Variants in MOV10 observed in about 807,000 individuals in gnomAD.
MOV10 encodes the protein RNA helicase MOV-10.
In MOV10, 39 loss-of-function variants were observed where a neutral mutation model predicts 108.4. That is an observed-to-expected ratio of 0.36 (90% CI 0.28 to 0.47). MOV10 has a LOEUF of 0.47. Ranked by LOEUF, MOV10 falls within the 20% of genes least tolerant of loss-of-function variation. The probability of loss-of-function intolerance (pLI) is 1.00; values close to 1 mark genes in which losing one functional copy is unlikely to be tolerated. For missense variants in MOV10, 952 were observed against 1,297.6 expected, an observed-to-expected ratio of 0.73 and a Z score of 4.09; for synonymous variants, 490 against 523.1, an observed-to-expected ratio of 0.94 and a Z score of 0.86.
At position 112,689,498 on chromosome 1, in the gene MOV10, G is replaced by T. The variant is rs116655742; in HGVS notation, c.425G>T (p.Arg142Leu). The T allele has an allele frequency of 1.2e-6, 2 of 1,609,560 alleles. No individual in the cohort carries two copies. Among genetic ancestry groups the T allele is most frequent in the Non-Finnish European group, 1.7e-6 (2 of 1,177,260 alleles). ...HEARDGQLLIRLDLNRKEVLT... is the reference protein window; with the variant it reads ...HEARDGQLLILLDLNRKEVLT... ...GCCCGAGATGGGCAGCTCCTTATCC[G>T]CCTGGATTTGAACCGCAAAGAGGTG... Residue 142 changes from arginine to leucine, a missense_variant, in exon 4 of 21, where the codon CGC (arginine) becomes CTC (leucine). Transcript: ENST00000369645.
At chr1:112,680,707 C>T (rs1222574762) in intron 2 of MOV10, among the ~76,000 whole-genome samples, 1 of 107,136 alleles carries the variant, frequency 9.3e-6, no homozygotes, top group South Asian at 3.4e-4. Context: ...TCATTTATCT[C>T]TTTTTTTTTT....
rs778417018 is a variant in MOV10, at chr1:112,685,183, CT to C, written c.138-3733del. 5.6e-3 allele frequency: 603 copies of C among 107,700 alleles called. 3 individuals are homozygous for C. The highest frequency in any genetic ancestry group is 0.015 in the African/African-American group (476 of 30,912). The allele number at this position is 107,700 out of a possible 1,614,324, so 6.7% of individuals were successfully genotyped here. A position where few individuals can be genotyped will look rare whatever the true frequency, so the allele number is the denominator to read the frequency against. On this transcript the variant is annotated intron_variant, in intron 2 of 20. Coordinates refer to ENST00000369645, the MANE Select transcript of MOV10 (RefSeq NM_001321324.2). The stretch of plus-strand genomic sequence containing the variant: ...TACAGGTGTGCACCACCATGCCTGG[CT>C]TTTTTTTTTTTTTTTTTTCACTATT...
chr1:112,680,042 C>T (rs1672498830), intron 2 of MOV10, among the ~76,000 whole-genome samples: 1 of 152,076 alleles, frequency 6.6e-6, no homozygotes, highest in Non-Finnish European at 1.5e-5. Context: ...CCAGAAATTT[C>T]AGGCAGCTTG....
In MOV10 at chr1:112,699,697, G is replaced by A; in HGVS notation, c.2596G>A (p.Glu866Lys). 1.9e-6 allele frequency: 3 copies of A among 1,614,180 alleles called. No homozygotes were observed. The highest frequency in any genetic ancestry group is 2.5e-6 in the Non-Finnish European group (3 of 1,180,032). The change falls in exon 18 of 21, where the codon GAA (glutamate) becomes AAA (lysine). Residue 866 changes from glutamate to lysine, a missense_variant. Coordinates refer to ENST00000369645, the MANE Select transcript of MOV10 (RefSeq NM_001321324.2). ...CTTTCCCCACTAGGTGGGTTCAGTAGAAGAATTCCAAGGCCAAGAACGAAG... is the reference window on the plus strand; with the variant it reads ...CTTTCCCCACTAGGTGGGTTCAGTAAAAGAATTCCAAGGCCAAGAACGAAG... ...DIKDLKVGSV[E>K]EFQGQERSVI...
intron 14 of MOV10, among the ~76,000 whole-genome samples, chr1:112,697,076 G>A (rs939490117): frequency 2.0e-5 from 3 of 152,202 alleles, no homozygotes; most frequent in South Asian, 2.1e-4. Flanking sequence ...TGCATCTTAG[G>A]GGGTGGTCAG....
At chr1:112,691,918 G>C (rs1310490810) in intron 6 of MOV10, 119 bp downstream of exon 6, 3 of 1,106,388 alleles carry the variant, frequency 2.7e-6, no homozygotes, top group African/African-American at 3.1e-5. Flanking sequence ...CCCTTACTGA[G>C]CACGCACCAT....
In MOV10 at chr1:112,695,423, A is replaced by G; in HGVS notation, c.1628A>G (p.Lys543Arg). The change falls in exon 11 of 21, where the codon AAG (lysine) becomes AGG (arginine). Residue 543 changes from lysine to arginine, a missense_variant. Physicochemically the swap from Lys to Arg is conservative, Grantham distance 26. Around this residue, in one of 5 missense-constraint regions of MOV10, gnomAD observed 453 missense variants for 611.5 expected, o/e 0.74. Coordinates refer to ENST00000369645, the MANE Select transcript of MOV10 (RefSeq NM_001321324.2). ...TLVEAIKQVV[K>R]HLPKAHILAC... The stretch of plus-strand genomic sequence containing the variant: ...CGCTTATCTGCATCTCAGGTGGTGA[A>G]GCACTTGCCCAAAGCCCACATCTTG... The G allele has an allele frequency of 6.2e-7, 1 of 1,613,984 alleles. No individual in the cohort carries two copies. Among genetic ancestry groups the G allele is most frequent in the Non-Finnish European group, 8.5e-7 (1 of 1,179,936 alleles).
Position 112,698,415 on chromosome 1 carries a change from C to G in MOV10, c.2445C>G (p.Ser815=). The change falls in exon 16 of 21, where the codon TCC becomes TCG. Residue 815 remains serine (S), a synonymous_variant. Transcript: ENST00000369645. ...TGAAGCTGCTCCTGGCCCCCTCCTC[C>G]AAGAAGGGCAAAGCTCGCCTGAGCC... is the stretch of plus-strand genomic sequence containing the variant. ...SYLKLLLAPS[S]KKGKARLSPR... 1 of 1,614,208 alleles carries G rather than the reference C, an allele frequency of 6.2e-7. No individual in the cohort carries two copies. Among genetic ancestry groups the G allele is most frequent in the Non-Finnish European group, 8.5e-7 (1 of 1,180,034 alleles).
At chr1:112,693,868 A>C in intron 7 of MOV10, 150 bp from the exon 8 acceptor site, 1 of 614,894 alleles carries the variant, frequency 1.6e-6, no homozygotes, top group Non-Finnish European at 2.8e-6. Flanking sequence ...TATGAAAGGA[A>C]AGAGGGGTGC....
chr1:112,680,029 T>C (rs1014287354), intron 2 of MOV10, among the ~76,000 whole-genome samples: 1 of 151,890 alleles, frequency 6.6e-6, no homozygotes, highest in African/African-American at 2.4e-5. Context: ...ACATTAGGAG[T>C]AGCCAGAAAT....
Position 112,675,104 on chromosome 1 carries a change from C to G in MOV10, c.137+55C>G. 6.4e-7 allele frequency: 1 copy of G among 1,561,794 alleles called. No individual in the cohort carries two copies. Among genetic ancestry groups the G allele is most frequent in the Non-Finnish European group, 8.6e-7 (1 of 1,158,028 alleles). ...TCGCGGGCCCAGCTTGCTGCCACGA[C>G]CCCCGCGCGAGGGCCACCTTTCCCG... is the stretch of plus-strand genomic sequence containing the variant. On this transcript the variant is annotated intron_variant, in intron 2 of 20. Transcript: ENST00000369645. This position sits in a 1 kb window ranked among gnomAD's most constrained non-coding sequence, Gnocchi z 4.7.
intron 2 of MOV10, among the ~76,000 whole-genome samples, chr1:112,686,175 C>G (rs1673067778): frequency 6.6e-6 from 1 of 152,134 alleles, no homozygotes; most frequent in Non-Finnish European, 1.5e-5. Context: ...GTTTTCTTAG[C>G]GTTGTGAGGG....
At chr1:112,689,377 T>TGCCCCCCCC in intron 3 of MOV10, 38 bp from the exon 4 acceptor site, 1 of 792,812 alleles carries the variant, frequency 1.3e-6, no homozygotes. Context: ...GTCAGACCGC[T>TGCCCCCCCC]CCCACCCCAA....
chr1:112,683,296 G>T (rs1456874565), intron 2 of MOV10, among the ~76,000 whole-genome samples: 1 of 152,108 alleles, frequency 6.6e-6, no homozygotes, highest in Non-Finnish European at 1.5e-5. Context: ...TGGAATTTTT[G>T]AGTCATAGGA....
intron 3 of MOV10, 61 bp from the exon 4 acceptor site, chr1:112,689,353 AG>A: frequency 6.7e-7 from 1 of 1,491,542 alleles, no homozygotes; most frequent in Non-Finnish European, 9.3e-7. Flanking sequence ...AGCTTTCCCC[AG>A]GGTAACTCCC....
In MOV10 at chr1:112,675,066, T is replaced by A; in HGVS notation, c.137+17T>A. 1 of 1,574,638 alleles carries A rather than the reference T, an allele frequency of 6.4e-7. No individual in the cohort carries two copies. The highest frequency in any genetic ancestry group is 8.6e-7 in the Non-Finnish European group (1 of 1,163,788). ...CAAGATCAGGTACGGGCCGGCCCAC[T>A]CCCGGCCCCGAATCGCGGGCCCAGC... On this transcript the variant is annotated intron_variant, in intron 2 of 20. Transcript: ENST00000369645. This position sits in a 1 kb window ranked among gnomAD's most constrained non-coding sequence, Gnocchi z 4.7.
intron 10 of MOV10, among the ~76,000 whole-genome samples, chr1:112,695,200 A>G (rs991168270): frequency 4.6e-5 from 7 of 152,134 alleles, no homozygotes; most frequent in Non-Finnish European, 8.8e-5. Flanking sequence ...ATCCTGGGTG[A>G]CAGAGTGAGA....
intron 2 of MOV10, among the ~76,000 whole-genome samples, chr1:112,681,060 G>T (rs1489279622): frequency 6.6e-6 from 1 of 152,018 alleles, no homozygotes; most frequent in East Asian, 1.9e-4. Context: ...ACACACGTGG[G>T]ATCATTATCA....
rs373520615 is a variant in MOV10, at chr1:112,688,947, C to T, written c.150C>T (p.Pro50=). 61 of 1,612,230 alleles carry T rather than the reference C, an allele frequency of 3.8e-5. No individual in the cohort carries two copies. The highest frequency in any genetic ancestry group is 1.1e-4 in the East Asian group (5 of 44,886). The change falls in exon 3 of 21, where the codon CCC becomes CCT. Residue 50 remains proline, a synonymous_variant. Transcript: ENST00000369645. ...CTGCTTCTGGCAGCTTTGGGACCCCCGCCCCTGGCTTCTCCTCCATGCTGT... is the reference window on the plus strand; with the variant it reads ...CTGCTTCTGGCAGCTTTGGGACCCCTGCCCCTGGCTTCTCCTCCATGCTGT... ...NRDFKISFGT[P]APGFSSMLYG... is the part of the protein sequence containing the mutation.
Sources: gnomAD v4.1 joint callset for allele counts (sites outside exome capture counted in the v4.1 genomes callset) on GRCh38, gnomAD v4.1.1 for gene constraint, gnomAD v4.1.1 regional missense constraint, Gnocchi (gnomAD v3.1) non-coding constraint, MANE v1.5 for transcripts, NCBI Gene and HGNC (gene_info 2026-07-23, HGNC 2026-07-21) for gene names.